EHMT1: variants seen among roughly 807,000 people sequenced by gnomAD.
The protein encoded by EHMT1 is euchromatic histone lysine methyltransferase 1.
A neutral mutation model predicts 147.2 loss-of-function variants in EHMT1; 15 were observed. That is an observed-to-expected ratio of 0.10 (90% CI 0.07 to 0.16). The LOEUF is 0.16. Among genes scored for constraint, EHMT1 ranks in the 10% least tolerant of loss-of-function variants. EHMT1 has a pLI of 1.00. For synonymous variants in EHMT1, 795 were observed against 709.6 expected (o/e 1.12, Z -1.91); for missense variants, 1,587 against 1,772.4 (o/e 0.90, Z 1.88).
intron 15 of EHMT1, chr9:137,784,395 T>C: frequency 8.1e-7 from 1 of 1,235,830 alleles, no homozygotes; most frequent in Non-Finnish European, 1.0e-6. Context: ...CAGACCATAG[T>C]GCCAGCCTTT....
intron 7 of EHMT1, 147 bp from the exon 8 acceptor site, chr9:137,754,024 C>CA: frequency 7.2e-7 from 1 of 1,379,432 alleles, no homozygotes. Context: ...TGTGACCCAG[C>CA]AAAATGTCTA....
rs920137867 is a variant in EHMT1 at position 137,653,141 on chromosome 9, C to T, written c.21+34092C>T. Reference sequence around the variant, plus strand: ...ACTCACCCAGAGCAACTTCCAATTCCAGCCCTGCAAGCTCCATTCATGGTA... The same window carrying T: ...ACTCACCCAGAGCAACTTCCAATTCTAGCCCTGCAAGCTCCATTCATGGTA... On this transcript the variant is annotated intron_variant, in intron 1 of 26. Coordinates refer to ENST00000460843, the MANE Select transcript of EHMT1 (RefSeq NM_024757.5). Among the ~76,000 whole-genome samples, 30 of 152,342 alleles carry T rather than the reference C, an allele frequency of 2.0e-4. 1 individual carries two copies. The highest frequency in any genetic ancestry group is 8.3e-4 in the South Asian group (4 of 4,828).
Position 137,818,087 on chromosome 9 carries a change from A to G in EHMT1, c.3489A>G (p.Ser1163=), listed in dbSNP as rs200090916. Residue 1163 remains serine (S), a synonymous_variant, in exon 25 of 27, where the codon TCA becomes TCG. Coordinates refer to ENST00000460843, the MANE Select transcript of EHMT1 (RefSeq NM_024757.5). ...ATGTTGGGGAGCTGATTTCAGACTCAGAAGCCGACGTTCGAGAGGAAGATT... is the reference window on the plus strand; with the variant it reads ...ATGTTGGGGAGCTGATTTCAGACTCGGAAGCCGACGTTCGAGAGGAAGATT... ...CEYVGELISD[S]EADVREEDSY... 2.5e-4 allele frequency: 411 copies of G among 1,614,098 alleles called. No individual in the cohort carries two copies. The highest frequency in any genetic ancestry group is 3.4e-4 in the Non-Finnish European group (403 of 1,180,040).
In EHMT1 at chr9:137,728,466, C is replaced by G. The variant is rs1216113411; in HGVS notation, c.760C>G (p.Pro254Ala). Residue 254 changes from proline (P) to alanine (A), a missense_variant, in exon 4 of 27, where the codon CCA (proline) becomes GCA (alanine). Transcript: ENST00000460843. Reference sequence around the variant, plus strand: ...ACGACAGCAGCTTTTACCCCCCTTCCCATCCCTTCATCAGTCGCTACCTCA... The same window carrying G: ...ACGACAGCAGCTTTTACCCCCCTTCGCATCCCTTCATCAGTCGCTACCTCA... ...FGRQQLLPPFPSLHQSLPQNQ... is the reference protein window; with the variant it reads ...FGRQQLLPPFASLHQSLPQNQ... 1.2e-6 allele frequency: 2 copies of G among 1,613,970 alleles called. No homozygotes were observed. Among genetic ancestry groups the G allele is most frequent in the South Asian group, 2.2e-5 (2 of 91,082 alleles).
chr9:137,744,177 C>T (rs1346027118), intron 6 of EHMT1, 87 bp downstream of exon 6: 9 of 1,418,928 alleles, frequency 6.3e-6, no homozygotes, highest in Non-Finnish European at 8.8e-6. Context: ...CTGGTCACTT[C>T]TAGACCCTGA....
chr9:137,810,097 C>G (rs1954307645), intron 18 of EHMT1, among the ~76,000 whole-genome samples: 1 of 136,342 alleles, frequency 7.3e-6, no homozygotes, highest in Non-Finnish European at 1.5e-5. Context: ...GGATGCCGCC[C>G]TGTGTGGACC....
chr9:137,814,401 C>T (rs558212017), intron 21 of EHMT1, 30 bp from the exon 22 acceptor site: 11 of 1,610,312 alleles, frequency 6.8e-6, no homozygotes, highest in South Asian at 3.3e-5. Context: ...TGTGCCTGCA[C>T]GTCTGACCCC....
chr9:137,703,939 T>C (rs1252248417), intron 1 of EHMT1, among the ~76,000 whole-genome samples: 1 of 152,182 alleles, frequency 6.6e-6, no homozygotes, highest in Non-Finnish European at 1.5e-5. Flanking sequence ...GATCAGCTCA[T>C]GGTTCTGTGG....
At chr9:137,681,593 A>G (rs1433841823) in intron 1 of EHMT1, among the ~76,000 whole-genome samples, 1 of 152,080 alleles carries the variant, frequency 6.6e-6, no homozygotes, top group Non-Finnish European at 1.5e-5. Context: ...TCCAGGTGAC[A>G]TCTGTTTGCT....
chr9:137,663,341 G>A (rs766350707), intron 1 of EHMT1, among the ~76,000 whole-genome samples: 1 of 152,074 alleles, frequency 6.6e-6, no homozygotes, highest in African/African-American at 2.4e-5. Context: ...GTTAGGTGTC[G>A]ATTCTTGACA....
chr9:137,650,158 G>A lies in EHMT1; in HGVS notation c.21+31109G>A, dbSNP rs767957646. On this transcript the variant is annotated intron_variant, in intron 1 of 26. Coordinates refer to ENST00000460843, the MANE Select transcript of EHMT1 (RefSeq NM_024757.5). ...CTGTCACCCAGGCTGGAGTGCAGTG[G>A]TGCAGTCACAGCTCACTGCAGCCTC... 4.1e-4 allele frequency among the ~76,000 whole-genome samples: 62 copies of A among 151,996 alleles called. 1 individual carries two copies. Among genetic ancestry groups the A allele is most frequent in the Non-Finnish European group, 2.4e-4 (16 of 67,994 alleles).
chr9:137,770,090 G>A (rs1245254183), intron 10 of EHMT1, among the ~76,000 whole-genome samples: 2 of 152,158 alleles, frequency 1.3e-5, no homozygotes, highest in Non-Finnish European at 1.5e-5. Context: ...GCCCGCCTCG[G>A]CCTCCCAAAG....
intron 10 of EHMT1, among the ~76,000 whole-genome samples, chr9:137,774,880 C>T (rs1291503031): frequency 6.6e-6 from 1 of 152,210 alleles, no homozygotes; most frequent in African/African-American, 2.4e-5. Context: ...GCAGTTTGTG[C>T]AGATGATGGG....
intron 1 of EHMT1, among the ~76,000 whole-genome samples, chr9:137,635,720 T>C (rs986936689): frequency 8.0e-5 from 12 of 150,492 alleles, no homozygotes; most frequent in Admixed American, 6.6e-5. Flanking sequence ...CTCGGGAGGC[T>C]GAGGCAGGAG....
chr9:137,757,551 C>G (rs1236378335), intron 8 of EHMT1, among the ~76,000 whole-genome samples: 3 of 152,172 alleles, frequency 2.0e-5, no homozygotes, highest in Non-Finnish European at 4.4e-5. Context: ...TTATCTGTTT[C>G]TTTGATCATT....
intron 7 of EHMT1, among the ~76,000 whole-genome samples, chr9:137,753,071 A>G (rs78485450): frequency 0.012 from 1,792 of 152,242 alleles, 34 homozygotes; most frequent in African/African-American, 0.041. Flanking sequence ...CCCAGGATGG[A>G]GCCTCAGGAA....
chr9:137,820,461 C>A (rs1955317579), intron 25 of EHMT1, among the ~76,000 whole-genome samples: 1 of 152,220 alleles, frequency 6.6e-6, no homozygotes, highest in African/African-American at 2.4e-5. Context: ...TTTTTCATTT[C>A]CTAATGATGT....
intron 1 of EHMT1, among the ~76,000 whole-genome samples, chr9:137,678,382 A>G (rs916347281): frequency 3.3e-5 from 5 of 152,156 alleles, no homozygotes; most frequent in African/African-American, 1.2e-4. Flanking sequence ...GGTAACCACA[A>G]GATTTTCGTA....
rs1204875906 is a variant in EHMT1 at position 137,731,525 on chromosome 9, G to A, written c.823+2996G>A. ...CCGGGGGTGCAGAGTCCACTTATCGGGATGGCAGAGAGAGACAAAGGCCTT... is the reference window on the plus strand; with the variant it reads ...CCGGGGGTGCAGAGTCCACTTATCGAGATGGCAGAGAGAGACAAAGGCCTT... On this transcript the variant is annotated intron_variant, in intron 4 of 26. Transcript: ENST00000460843. The surrounding 1 kb of genome is among the most constrained non-coding windows in gnomAD (Gnocchi z 4.3). Among the ~76,000 whole-genome samples the A allele has an allele frequency of 6.6e-6, 1 of 152,152 alleles. No homozygotes were observed. The highest frequency in any genetic ancestry group is 2.4e-5 in the African/African-American group (1 of 41,432).
Sources: allele counts gnomAD v4.1 joint callset (sites outside exome capture counted in the v4.1 genomes callset), GRCh38; gene constraint gnomAD v4.1.1; non-coding constraint Gnocchi (gnomAD v3.1); transcripts MANE v1.5; gene names NCBI Gene and HGNC (gene_info 2026-07-23, HGNC 2026-07-21).